Variants in CABIN1 observed in about 807,000 individuals in gnomAD.
CABIN1 encodes calcineurin-binding protein cabin-1.
Under a neutral mutation model 227.7 loss-of-function variants are expected in CABIN1, and 133 were observed. The ratio of observed to expected loss-of-function variants is 0.58; its 90% CI spans 0.51 to 0.67. The LOEUF is 0.67. CABIN1 is among the 30% of genes least tolerant of loss of function. The pLI is 0.00. For synonymous variants in CABIN1, 1,086 were observed against 1,155.1 expected, an observed-to-expected ratio of 0.94 and a Z score of 1.21; for missense variants, 2,408 against 2,852.5, an observed-to-expected ratio of 0.84 and a Z score of 3.55.
chr22:24,161,517 C>A (rs907897057), intron 29 of CABIN1, among the ~76,000 whole-genome samples: 1 of 151,790 alleles, frequency 6.6e-6, no homozygotes, highest in South Asian at 2.1e-4. Context: ...ACCCTCCTCG[C>A]GGCGACCCTG....
chr22:24,064,523 T>TG (rs1555924927), intron 15 of CABIN1, among the ~76,000 whole-genome samples: 19 of 149,970 alleles, frequency 1.3e-4, no homozygotes, highest in Admixed American at 3.3e-4. Flanking sequence ...TTTTTTTTTT[T>TG]TTTTTTTTTT....
intron 16 of CABIN1, among the ~76,000 whole-genome samples, chr22:24,068,840 C>T (rs1250478668): frequency 1.3e-5 from 2 of 152,154 alleles, no homozygotes; most frequent in African/African-American, 4.8e-5. Flanking sequence ...CTTAGACAGT[C>T]TTTCCAAGAG....
intron 27 of CABIN1, among the ~76,000 whole-genome samples, chr22:24,119,155 C>G (rs1246318080): frequency 1.3e-5 from 2 of 152,200 alleles, no homozygotes; most frequent in East Asian, 1.9e-4. Flanking sequence ...CCAGCTGGGA[C>G]AGCCTGTTTC....
Position 24,032,253 on chromosome 22 carries a change from G to A in CABIN1, c.-74-3191G>A, listed in dbSNP as rs565986446. On this transcript the variant is annotated intron_variant, in intron 1 of 36. Coordinates refer to ENST00000263119, the MANE Select transcript of CABIN1 (RefSeq NM_012295.4). ...GGAATCATATAATATTTGTTCTTTT[G>A]TGTCTGGCTTATTTTACTTAGTGTA... is the stretch of plus-strand genomic sequence containing the variant. Among the ~76,000 whole-genome samples the A allele has an allele frequency of 2.6e-5, 4 of 152,200 alleles. No individual in the cohort carries two copies. The East Asian group carries it at 5.8e-4, about 22-fold the overall frequency.
intron 28 of CABIN1, among the ~76,000 whole-genome samples, chr22:24,122,353 T>C (rs768388941): frequency 2.6e-5 from 4 of 152,160 alleles, no homozygotes; most frequent in Non-Finnish European, 5.9e-5. Context: ...TTTCAGATCT[T>C]AGAATATTTG....
At chr22:24,165,749 T>C (rs1182892662) in intron 31 of CABIN1, 123 bp downstream of exon 31, 6 of 770,286 alleles carry the variant, frequency 7.8e-6, no homozygotes, top group Admixed American at 4.1e-5. Flanking sequence ...AGGGTCCCCA[T>C]CTGTGAGGTA....
intron 14 of CABIN1, 71 bp downstream of exon 14, chr22:24,063,217 G>GT: frequency 6.7e-6 from 10 of 1,490,030 alleles, no homozygotes; most frequent in Non-Finnish European, 9.3e-6. Flanking sequence ...AATTGACCAT[G>GT]TTGAGGGTGT....
chr22:24,124,303 C>T (rs1226748607), intron 28 of CABIN1, among the ~76,000 whole-genome samples: 1 of 152,248 alleles, frequency 6.6e-6, no homozygotes, highest in Admixed American at 6.5e-5. Flanking sequence ...TAGTGAGACC[C>T]ATTTCTTCAG....
At chr22:24,072,625 T>C (rs2040172657) in intron 18 of CABIN1, 115 bp downstream of exon 18, 1 of 1,252,412 alleles carries the variant, frequency 8.0e-7, no homozygotes, top group South Asian at 1.3e-5. Context: ...CTCAGTCCTC[T>C]CAATCCCAGG....
intron 16 of CABIN1, among the ~76,000 whole-genome samples, chr22:24,067,812 C>T (rs892260890): frequency 2.6e-5 from 4 of 152,148 alleles, no homozygotes; most frequent in Admixed American, 6.5e-5. Flanking sequence ...GTAGGGATTA[C>T]ACAAGGTAAT....
At chr22:24,045,885 T>G (rs2037838400) in intron 6 of CABIN1, among the ~76,000 whole-genome samples, 1 of 152,186 alleles carries the variant, frequency 6.6e-6, no homozygotes, top group South Asian at 2.1e-4. Context: ...CCATAACCAC[T>G]TTTTAAATCT....
At chr22:24,148,502 A>G (rs1168656263) in intron 29 of CABIN1, among the ~76,000 whole-genome samples, 1 of 152,202 alleles carries the variant, frequency 6.6e-6, no homozygotes, top group Non-Finnish European at 1.5e-5. Flanking sequence ...TCTGAAGACC[A>G]TAGCACCTGG....
chr22:24,124,545 TGCTGATA>T lies in CABIN1; in HGVS notation c.4632+4850_4632+4856del, dbSNP rs1428291828. 2.6e-5 allele frequency among the ~76,000 whole-genome samples: 4 copies of T among 152,354 alleles called. No individual in the cohort carries two copies. In the South Asian group the frequency reaches 8.3e-4, roughly 32 times the overall value. Reference sequence around the variant, plus strand: ...CACCTTAGATGGGGATGATCATTTATGCTGATAGCCATAAGGGCCCTAATTCTAGCTA... The same window carrying T: ...CACCTTAGATGGGGATGATCATTTATGCCATAAGGGCCCTAATTCTAGCTA... On this transcript the variant is annotated intron_variant, in intron 28 of 36. Transcript: ENST00000263119.
chr22:24,022,371 C>A (rs1000630402), intron 1 of CABIN1, among the ~76,000 whole-genome samples: 2 of 152,178 alleles, frequency 1.3e-5, no homozygotes, highest in Non-Finnish European at 2.9e-5. Flanking sequence ...TAGTGTACAA[C>A]CTTTTGAGAC....
chr22:24,070,580 G>T (rs980330757), intron 16 of CABIN1, among the ~76,000 whole-genome samples: 4 of 152,248 alleles, frequency 2.6e-5, no homozygotes, highest in African/African-American at 9.6e-5. Flanking sequence ...CTTTCTGAAA[G>T]CTCCCTGGCT....
intron 6 of CABIN1, 121 bp downstream of exon 6, chr22:24,043,205 G>A: frequency 1.3e-6 from 1 of 760,938 alleles, no homozygotes; most frequent in Admixed American, 2.2e-5. Flanking sequence ...GACTGTCAGG[G>A]AGAATGGCAA....
intron 26 of CABIN1, among the ~76,000 whole-genome samples, chr22:24,112,408 T>C (rs372770427): frequency 1.3e-5 from 2 of 152,190 alleles, no homozygotes; most frequent in South Asian, 4.1e-4. Flanking sequence ...CAAATTCCTT[T>C]CATGTTACCT....
At chr22:24,165,493 C>G (rs762788060) in intron 30 of CABIN1, 37 bp from the exon 31 acceptor site, 2 of 1,568,612 alleles carry the variant, frequency 1.3e-6, no homozygotes, top group South Asian at 1.1e-5. Context: ...TGTCAGATGC[C>G]CTCCTGTCCT....
At chr22:24,070,725 G>T (rs1913529280) in intron 16 of CABIN1, 75 bp from the exon 17 acceptor site, 1 of 1,609,104 alleles carries the variant, frequency 6.2e-7, no homozygotes, top group Non-Finnish European at 8.5e-7. Flanking sequence ...TTTTCCTTCA[G>T]TTGTCTCTGC....
Sources: allele counts gnomAD v4.1 joint callset (sites outside exome capture counted in the v4.1 genomes callset), GRCh38; gene constraint gnomAD v4.1.1; transcripts MANE v1.5; gene names NCBI Gene and HGNC (gene_info 2026-07-23, HGNC 2026-07-21).